ADGRV1: variants seen among roughly 807,000 people sequenced by gnomAD.
ADGRV1 encodes G-protein coupled receptor 98.
In ADGRV1, 359 loss-of-function variants were observed where a neutral mutation model predicts 596.2. That is an observed-to-expected ratio of 0.60 (90% CI 0.55 to 0.66). The LOEUF is 0.66. Among genes scored for constraint, ADGRV1 ranks in the 30% least tolerant of loss-of-function variants. The pLI is 0.00. For synonymous variants in ADGRV1, 2,681 were observed against 2,679.2 expected, an observed-to-expected ratio of 1.00 and a Z score of -0.02; for missense variants, 7,274 against 7,575.6, an observed-to-expected ratio of 0.96 and a Z score of 1.48.
intron 28 of ADGRV1, 106 bp downstream of exon 28, chr5:90,684,301 T>C: frequency 9.2e-7 from 1 of 1,089,916 alleles, no homozygotes; most frequent in Non-Finnish European, 1.3e-6. Flanking sequence ...TAGTAAACTC[T>C]AACTTTGAAA....
At chr5:90,924,743 T>A (rs1256818204) in intron 83 of ADGRV1, among the ~76,000 whole-genome samples, 1 of 152,176 alleles carries the variant, frequency 6.6e-6, no homozygotes, top group Non-Finnish European at 1.5e-5. Context: ...CTAGGTTTTC[T>A]TCTAGGGTTT....
intron 87 of ADGRV1, among the ~76,000 whole-genome samples, chr5:91,138,237 G>GAA (rs536525545): frequency 1.1e-4 from 15 of 141,160 alleles, no homozygotes; most frequent in African/African-American, 1.8e-4. Context: ...ATGGGTTGGA[G>GAA]AAAAAAAAAA....
chr5:90,856,048 A>G (rs2150418323), intron 82 of ADGRV1, 147 bp downstream of exon 82: 1 of 652,706 alleles, frequency 1.5e-6, no homozygotes, highest in East Asian at 2.7e-5. Context: ...TGTCTTAGTC[A>G]TTAATTCATT....
At chr5:90,839,244 TC>T (rs1306958032) in intron 77 of ADGRV1, among the ~76,000 whole-genome samples, 26 of 152,154 alleles carry the variant, frequency 1.7e-4, no homozygotes, top group Non-Finnish European at 3.4e-4. Context: ...AGATGGAGTC[TC>T]ACTCTATTGC....
chr5:90,724,647 A>G (rs1417326237), intron 45 of ADGRV1, among the ~76,000 whole-genome samples, 185 bp from the exon 46 acceptor site: 1 of 152,216 alleles, frequency 6.6e-6, no homozygotes, highest in African/African-American at 2.4e-5. Flanking sequence ...TTTGTAGTAC[A>G]AATTCATTAT....
intron 33 of ADGRV1, among the ~76,000 whole-genome samples, chr5:90,696,365 GT>G (rs1481373014): frequency 1.3e-5 from 2 of 151,986 alleles, no homozygotes; most frequent in East Asian, 3.9e-4. Flanking sequence ...CTGGAGACTG[GT>G]ACTTGATGCT....
intron 29 of ADGRV1, among the ~76,000 whole-genome samples, chr5:90,687,881 T>C (rs1745895509): frequency 1.3e-5 from 2 of 152,062 alleles, no homozygotes; most frequent in Non-Finnish European, 2.9e-5. Context: ...TACAAACCAC[T>C]GCTCAACGAA....
chr5:91,096,935 T>C (rs1790924654), intron 86 of ADGRV1, among the ~76,000 whole-genome samples: 1 of 152,218 alleles, frequency 6.6e-6, no homozygotes, highest in South Asian at 2.1e-4. Flanking sequence ...TGAATTTGCC[T>C]ATTCTAGGCA....
intron 89 of ADGRV1, among the ~76,000 whole-genome samples, chr5:91,157,600 GT>G (rs1485876501): frequency 6.6e-6 from 1 of 152,034 alleles, no homozygotes; most frequent in East Asian, 1.9e-4. Flanking sequence ...AACAGAACAT[GT>G]TTTTAAATTA....
intron 60 of ADGRV1, 150 bp downstream of exon 60, chr5:90,774,453 G>A (rs1415730987): frequency 1.7e-6 from 1 of 571,802 alleles, no homozygotes; most frequent in African/African-American, 1.9e-5. Flanking sequence ...TAAAGGTTAA[G>A]AATTTTTTAA....
chr5:90,732,212 C>T (rs1441424526), intron 50 of ADGRV1, among the ~76,000 whole-genome samples: 1 of 152,116 alleles, frequency 6.6e-6, no homozygotes, highest in South Asian at 2.1e-4. Context: ...TTGTGTTGCC[C>T]AGCCTGGTCT....
intron 87 of ADGRV1, among the ~76,000 whole-genome samples, chr5:91,127,771 C>T (rs892081138): frequency 6.6e-6 from 1 of 152,132 alleles, no homozygotes; most frequent in East Asian, 1.9e-4. Flanking sequence ...TAATTCTCCT[C>T]TGTTTTCATA....
intron 83 of ADGRV1, among the ~76,000 whole-genome samples, chr5:90,864,606 A>G (rs761192937): frequency 6.6e-6 from 1 of 152,184 alleles, no homozygotes; most frequent in Non-Finnish European, 1.5e-5. Flanking sequence ...AGGAGATGAT[A>G]TTGAGCTGGG....
chr5:91,141,767 A>G (rs1795120021), intron 87 of ADGRV1, among the ~76,000 whole-genome samples: 1 of 152,222 alleles, frequency 6.6e-6, no homozygotes, highest in Non-Finnish European at 1.5e-5. Context: ...CAGCAGCCCA[A>G]GAGCTGTTTG....
chr5:90,684,082 G>A lies in ADGRV1; in HGVS notation c.6161G>A (p.Ser2054Asn), dbSNP rs558843030. ...TTTGCTCTTTTTGGAGCTAATCAGA[G>A]TGAGGCAACAATAGCTATTTCAATT... Reference protein sequence around the residue: ...SGFALFGANQSEATIAISILD... With the variant: ...SGFALFGANQNEATIAISILD... Residue 2054 changes from serine (S) to asparagine (N), a missense_variant, in exon 28 of 90, where the codon AGT (serine) becomes AAT (asparagine). Ser to Asn is a conservative substitution (Grantham distance 46). Transcript: ENST00000405460. The A allele has an allele frequency of 6.2e-7, 1 of 1,613,982 alleles. No individual in the cohort carries two copies. The highest frequency in any genetic ancestry group is 1.1e-5 in the South Asian group (1 of 91,076).
intron 21 of ADGRV1, among the ~76,000 whole-genome samples, chr5:90,659,577 AAATGCT>A (rs1769938058): frequency 2.0e-5 from 3 of 152,232 alleles, no homozygotes; most frequent in Admixed American, 2.0e-4. Context: ...GGTTGCAGCT[AAATGCT>A]AAGAAACTGC....
intron 85 of ADGRV1, among the ~76,000 whole-genome samples, chr5:91,017,518 G>T (rs1409433571): frequency 6.6e-6 from 1 of 151,878 alleles, no homozygotes. Context: ...AATACAGGGG[G>T]TGATTGCAGG....
intron 34 of ADGRV1, among the ~76,000 whole-genome samples, chr5:90,701,540 ATTT>A: frequency 6.6e-6 from 1 of 151,988 alleles, no homozygotes; most frequent in African/African-American, 2.4e-5. Flanking sequence ...TTTAAGAAAT[ATTT>A]CATTTATCTT....
At chr5:90,957,556 TTA>T (rs3076324) in intron 83 of ADGRV1, among the ~76,000 whole-genome samples, 44,616 of 146,092 alleles carry the variant, frequency 0.31, 7,278 homozygotes, top group African/African-American at 0.44. Flanking sequence ...TTTCAACTGT[TTA>T]TATATATATA....
Sources: gnomAD v4.1 joint callset for allele counts (sites outside exome capture counted in the v4.1 genomes callset) on GRCh38, gnomAD v4.1.1 for gene constraint, MANE v1.5 for transcripts, NCBI Gene and HGNC (gene_info 2026-07-23, HGNC 2026-07-21) for gene names.